The following UMODL1 variants were observed in gnomAD, a reference collection of about 807,000 sequenced individuals.
The protein encoded by UMODL1 is uromodulin-like 1.
In UMODL1, 128 loss-of-function variants were observed where a neutral mutation model predicts 136.3. The observed-to-expected ratio is 0.94, with a 90% CI of 0.81 to 1.09. The LOEUF is 1.09. Ranked by LOEUF, UMODL1 falls within the 50% of genes least tolerant of loss-of-function variation. The pLI is 0.00. For missense variants in UMODL1, 1,766 were observed against 1,725.6 expected (o/e 1.02, Z -0.41); for synonymous variants, 721 against 720.0 (o/e 1.00, Z -0.02).
intron 6 of UMODL1, chr21:42,094,072 T>A: frequency 2.5e-6 from 1 of 403,946 alleles, no homozygotes; most frequent in South Asian, 1.8e-5. Flanking sequence ...TCCGGAAAAA[T>A]ATTAGATTCT....
At chr21:42,106,537 T>TG (rs1479942669) in intron 9 of UMODL1, among the ~76,000 whole-genome samples, 2 of 152,102 alleles carry the variant, frequency 1.3e-5, no homozygotes, top group African/African-American at 4.8e-5. Context: ...CGTGACCTTA[T>TG]CTTTACCCTT....
At chr21:42,106,508 C>T (rs2066721344) in intron 9 of UMODL1, among the ~76,000 whole-genome samples, 1 of 152,192 alleles carries the variant, frequency 6.6e-6, no homozygotes, top group African/African-American at 2.4e-5. Context: ...GCTGTTCGCC[C>T]GTGGAGGGGT....
At chr21:42,066,958 G>A (rs1467508347), upstream of UMODL1, among the ~76,000 whole-genome samples, 1 of 149,756 alleles carries the variant, frequency 6.7e-6, no homozygotes, top group Non-Finnish European at 1.5e-5. Context: ...TGGGTTTAGA[G>A]CACACGTCTT....
intron 15 of UMODL1, 89 bp from the exon 16 acceptor site, chr21:42,120,998 T>G: frequency 6.7e-7 from 1 of 1,489,804 alleles, no homozygotes. Context: ...CAGCTTTGTC[T>G]GTGAGATGCA....
chr21:42,098,771 C>T (rs2066589086), intron 6 of UMODL1, among the ~76,000 whole-genome samples, 155 bp from the exon 7 acceptor site: 1 of 151,850 alleles, frequency 6.6e-6, no homozygotes, highest in Non-Finnish European at 1.5e-5. Context: ...TGTCTCAAAA[C>T]AAAAAACAAA....
chr21:42,128,012 T>C (rs1569176585), intron 20 of UMODL1, 181 bp downstream of exon 20: 1 of 798,416 alleles, frequency 1.3e-6, no homozygotes, highest in Non-Finnish European at 2.1e-6. Context: ...AGGCAGCCCT[T>C]GGACGGAGGA....
At chr21:42,073,693 C>T (rs1237997807) in intron 1 of UMODL1, among the ~76,000 whole-genome samples, 2 of 152,178 alleles carry the variant, frequency 1.3e-5, no homozygotes, top group Non-Finnish European at 2.9e-5. Context: ...CTGCTTTCTG[C>T]ACACTTGTAG....
intron 10 of UMODL1, 23 bp downstream of exon 10, chr21:42,109,722 A>G (rs751676838): frequency 6.3e-7 from 1 of 1,596,148 alleles, no homozygotes; most frequent in Admixed American, 1.7e-5. Flanking sequence ...CCCCCTGCCG[A>G]CTCTGGGAAG....
intron 12 of UMODL1, among the ~76,000 whole-genome samples, chr21:42,112,729 G>A (rs562451934): frequency 1.3e-5 from 2 of 152,070 alleles, no homozygotes; most frequent in East Asian, 3.9e-4. Flanking sequence ...CTTCACCCCA[G>A]ATATTGAACC....
At chr21:42,094,143 C>A (rs1005957761) in intron 6 of UMODL1, 4 of 361,324 alleles carry the variant, frequency 1.1e-5, no homozygotes, top group South Asian at 2.1e-5. Flanking sequence ...AGTGAACTGC[C>A]AGATTGCGTC....
In UMODL1 at chr21:42,076,195, C is replaced by T. The variant is rs765797093; in HGVS notation, c.267C>T (p.Asn89=). The part of the protein sequence containing the change: ...YLVVEVPESR[N]VTDCCEGYEQ... ...TAGTGGAGGTCCCCGAGTCCAGGAA[C>T]GTGACTGACTGCTGTGAGGGCTATG... The change falls in exon 2 of 23, where the codon AAC becomes AAT. Residue 89 remains asparagine (N), a synonymous_variant. Coordinates refer to ENST00000408910, the MANE Select transcript of UMODL1 (RefSeq NM_001004416.3). 4.3e-6 allele frequency: 7 copies of T among 1,614,238 alleles called. No homozygotes were observed. Among genetic ancestry groups the T allele is most frequent in the Middle Eastern group, 1.6e-4 (1 of 6,062 alleles).
intron 2 of UMODL1, among the ~76,000 whole-genome samples, chr21:42,082,277 G>C (rs1244504011): frequency 6.6e-6 from 1 of 152,138 alleles, no homozygotes; most frequent in Non-Finnish European, 1.5e-5. Context: ...CAGAGAACTT[G>C]GGGGACCCGA....
chr21:42,134,903 C>A (rs1241076608), intron 21 of UMODL1, among the ~76,000 whole-genome samples: 1 of 152,042 alleles, frequency 6.6e-6, no homozygotes, highest in Non-Finnish European at 1.5e-5. Context: ...GGATTATAGG[C>A]GTGAGCCACC....
At chr21:42,083,034 T>C (rs2066381066) in intron 2 of UMODL1, among the ~76,000 whole-genome samples, 1 of 152,188 alleles carries the variant, frequency 6.6e-6, no homozygotes, top group Non-Finnish European at 1.5e-5. Context: ...CCTCTTGCCT[T>C]CCTCATCTTT....
In UMODL1 at chr21:42,122,955, C is replaced by A; in HGVS notation, c.2952C>A (p.Asn984Lys). 1.9e-6 allele frequency: 3 copies of A among 1,614,026 alleles called. No individual in the cohort carries two copies. Among genetic ancestry groups the A allele is most frequent in the Non-Finnish European group, 2.5e-6 (3 of 1,180,024 alleles). The change falls in exon 17 of 23, where the codon AAC (asparagine) becomes AAA (lysine). Residue 984 changes from asparagine (N) to lysine (K), a missense_variant. Coordinates refer to ENST00000408910, the MANE Select transcript of UMODL1 (RefSeq NM_001004416.3). This position sits in a 1 kb window ranked among gnomAD's most constrained non-coding sequence, Gnocchi z 4.3. Reference protein sequence around the residue: ...PTPQGLPQRLNLTGAVRVLCE... With the variant: ...PTPQGLPQRLKLTGAVRVLCE... ...CCCAAGGCCTGCCCCAGCGGCTGAA[C>A]CTGACCGGAGCAGTCAGGGTGCTCT...
At position 42,076,066 on chromosome 21, in the gene UMODL1, G is replaced by C. The variant is rs557525666; in HGVS notation, c.138G>C (p.Gln46His). 21 of 1,614,274 alleles carry C rather than the reference G, an allele frequency of 1.3e-5. No homozygotes were observed. In the South Asian group the frequency reaches 2.3e-4, roughly 18 times the overall value. Residue 46 changes from glutamine (Q) to histidine (H), a missense_variant, in exon 2 of 23, where the codon CAG (glutamine) becomes CAC (histidine). Gln to His is a conservative substitution (Grantham distance 24). Transcript: ENST00000408910. ...GCCACCGTGTGACCCACACTGTACAGAAGGTGGAGGCCGTGCAGACGTCCT... is the reference window on the plus strand; with the variant it reads ...GCCACCGTGTGACCCACACTGTACACAAGGTGGAGGCCGTGCAGACGTCCT... ...LCSHRVTHTV[Q>H]KVEAVQTSYT...
At position 42,127,102 on chromosome 21, in the gene UMODL1, C is replaced by G. The variant is rs767720361; in HGVS notation, c.3390C>G (p.Ser1130Arg). The stretch of plus-strand genomic sequence containing the variant: ...ACTCTCCCATACCTCAGAATTATAG[C>G]GTGTCTGCCAGTGACGATGTCAGGA... ...IGDSPIPQNY[S>R]VSASDDVRIE... Residue 1130 changes from serine to arginine, a missense_variant, in exon 19 of 23, where the codon AGC becomes AGG. By Grantham distance (110) the Ser-to-Arg change is moderately radical. Coordinates refer to ENST00000408910, the MANE Select transcript of UMODL1 (RefSeq NM_001004416.3). The G allele has an allele frequency of 8.1e-6, 13 of 1,614,044 alleles. No individual in the cohort carries two copies. Among genetic ancestry groups the G allele is most frequent in the African/African-American group, 8.0e-5 (6 of 74,922 alleles).
chr21:42,128,234 TAA>T, intron 20 of UMODL1: 1 of 301,772 alleles, frequency 3.3e-6, no homozygotes, highest in South Asian at 2.8e-5. Context: ...TGTTATTTAA[TAA>T]AGTTTTTTCC....
chr21:42,092,186 T>C (rs1392105238), intron 6 of UMODL1, among the ~76,000 whole-genome samples: 1 of 152,068 alleles, frequency 6.6e-6, no homozygotes, highest in Non-Finnish European at 1.5e-5. Context: ...GGAAGACAGC[T>C]GGAGGAGAGA....
Sources: allele counts gnomAD v4.1 joint callset (sites outside exome capture counted in the v4.1 genomes callset), GRCh38; gene constraint gnomAD v4.1.1; non-coding constraint Gnocchi (gnomAD v3.1); transcripts MANE v1.5; gene names NCBI Gene and HGNC (gene_info 2026-07-23, HGNC 2026-07-21).